BLK: variants seen among roughly 807,000 people sequenced by gnomAD.
BLK encodes tyrosine-protein kinase Blk.
In BLK, 64 loss-of-function variants were observed where a neutral mutation model predicts 61.8. That is an observed-to-expected ratio of 1.03 (90% CI 0.85 to 1.27). The LOEUF (loss-of-function observed/expected upper bound fraction) is 1.27, where lower values mean the gene tolerates loss of function less well. Ranked by LOEUF, BLK falls within the 50% of genes most tolerant of loss-of-function variation. BLK has a pLI of 0.00. For missense variants in BLK, 853 were observed against 660.5 expected (o/e 1.29, Z -3.19); for synonymous variants, 351 against 272.0 (o/e 1.29, Z -2.86).
intron 1 of BLK, among the ~76,000 whole-genome samples, chr8:11,497,420 G>C (rs1199181795): frequency 1.3e-5 from 2 of 152,078 alleles, no homozygotes; most frequent in South Asian, 4.1e-4. Flanking sequence ...CAGGGCAGGT[G>C]CGAATGTCTC....
intron 10 of BLK, among the ~76,000 whole-genome samples, chr8:11,559,350 AACACAT>A (rs1046160567): frequency 1.3e-5 from 2 of 150,986 alleles, no homozygotes; most frequent in African/African-American, 4.9e-5. Flanking sequence ...GACAAACACA[AACACAT>A]ACACAGACTC....
At chr8:11,517,908 T>C (rs1177445637) in intron 1 of BLK, among the ~76,000 whole-genome samples, 2 of 152,088 alleles carry the variant, frequency 1.3e-5, no homozygotes, top group African/African-American at 4.8e-5. Context: ...GAAATGCATT[T>C]TCCCATAGCA....
intron 7 of BLK, 66 bp from the exon 8 acceptor site, chr8:11,555,266 C>T (rs1801143468): frequency 6.2e-7 from 1 of 1,606,742 alleles, no homozygotes; most frequent in Non-Finnish European, 8.5e-7. Context: ...AGGAATGATA[C>T]AGCTCCCAAG....
At chr8:11,519,571 G>T (rs1248928921) in intron 1 of BLK, among the ~76,000 whole-genome samples, 1 of 152,194 alleles carries the variant, frequency 6.6e-6, no homozygotes, top group East Asian at 1.9e-4. Flanking sequence ...AAAAGTTTAT[G>T]TACAGCATCG....
chr8:11,522,841 A>G (rs1799508767), intron 1 of BLK, among the ~76,000 whole-genome samples: 1 of 152,214 alleles, frequency 6.6e-6, no homozygotes, highest in Admixed American at 6.5e-5. Context: ...ATAATTGCTT[A>G]TACATGTCGT....
At chr8:11,495,181 A>T (rs186826192) in intron 1 of BLK, among the ~76,000 whole-genome samples, 1 of 152,352 alleles carries the variant, frequency 6.6e-6, no homozygotes, top group East Asian at 1.9e-4. Flanking sequence ...AGCATAGTTG[A>T]TCACATATTT....
chr8:11,564,345 G>T lies in BLK; in HGVS notation c.*237G>T, dbSNP rs1435187903. The stretch of plus-strand genomic sequence containing the variant: ...TTCATTTGTAGAGGGCTGTAACAGT[G>T]ACCTCGCACGGTCATCCGGAGTACT... On this transcript the variant is annotated 3_prime_UTR_variant, in exon 13 of 13. Transcript: ENST00000259089. The T allele has an allele frequency of 5.7e-6, 4 of 699,222 alleles. No individual in the cohort carries two copies. The highest frequency in any genetic ancestry group is 2.0e-5 in the Admixed American group (1 of 49,798). The allele number at this position is 699,222 out of a possible 1,614,324, so 43.3% of individuals were successfully genotyped here.
chr8:11,551,542 T>G (rs757153577), intron 6 of BLK, among the ~76,000 whole-genome samples: 81 of 152,260 alleles, frequency 5.3e-4, no homozygotes, highest in Non-Finnish European at 3.4e-4. Context: ...AACATATGAA[T>G]TGGGAGCGCA....
At chr8:11,518,087 C>T (rs949797868) in intron 1 of BLK, among the ~76,000 whole-genome samples, 11 of 152,056 alleles carry the variant, frequency 7.2e-5, no homozygotes, top group African/African-American at 1.2e-4. Flanking sequence ...CTGGGAGGGG[C>T]GAGAGAGTGT....
At position 11,541,504 on chromosome 8, in the gene BLK, T is replaced by G. The variant is rs560460710; in HGVS notation, c.-1-1720T>G. ...ACAAACCCATCGTCTCTCTCTCTTTTTTTTTTTTTTCGAGATGGAGTCTCA... is the reference window on the plus strand; with the variant it reads ...ACAAACCCATCGTCTCTCTCTCTTTGTTTTTTTTTTCGAGATGGAGTCTCA... On this transcript the variant is annotated intron_variant, in intron 1 of 12. Transcript: ENST00000259089. 5.4e-3 allele frequency among the ~76,000 whole-genome samples: 816 copies of G among 151,808 alleles called. 9 individuals are homozygous for G. Among genetic ancestry groups the G allele is most frequent in the African/African-American group, 0.017 (686 of 41,438 alleles).
chr8:11,504,969 C>G (rs982614539), intron 1 of BLK, among the ~76,000 whole-genome samples: 1 of 152,134 alleles, frequency 6.6e-6, no homozygotes, highest in Non-Finnish European at 1.5e-5. Flanking sequence ...CGTACAGACA[C>G]ATACATGCAC....
At chr8:11,543,015 T>G (rs1329016837) in intron 1 of BLK, among the ~76,000 whole-genome samples, 1 of 152,152 alleles carries the variant, frequency 6.6e-6, no homozygotes, top group East Asian at 1.9e-4. Flanking sequence ...ATGCAGTGCT[T>G]TCTGCTGTAT....
At position 11,564,279 on chromosome 8, in the gene BLK, G is replaced by A. The variant is rs955087121; in HGVS notation, c.*171G>A. The A allele has an allele frequency of 1.2e-6, 1 of 821,944 alleles. No individual in the cohort carries two copies. Among genetic ancestry groups the A allele is most frequent in the Admixed American group, 2.0e-5 (1 of 49,786 alleles). The allele number at this position is 821,944 out of a possible 1,614,324, so 50.9% of individuals were successfully genotyped here. On this transcript the variant is annotated 3_prime_UTR_variant, in exon 13 of 13. Coordinates refer to ENST00000259089, the MANE Select transcript of BLK (RefSeq NM_001715.3). ...GGGTCCCCGGACGGACTCCTTCACC[G>A]ACTGCACCCCCGGGCGAGTTACGCG...
chr8:11,533,714 T>C (rs1333330610), intron 1 of BLK, among the ~76,000 whole-genome samples: 1 of 151,874 alleles, frequency 6.6e-6, no homozygotes, highest in Non-Finnish European at 1.5e-5. Context: ...AGGGTCCTCA[T>C]GAGGCTCATG....
At chr8:11,514,577 G>A (rs1053357907) in intron 1 of BLK, among the ~76,000 whole-genome samples, 4 of 152,176 alleles carry the variant, frequency 2.6e-5, no homozygotes, top group African/African-American at 4.8e-5. Flanking sequence ...GTGCAGAGAT[G>A]CTGCTCCCAG....
At chr8:11,546,710 G>A (rs1471252326) in intron 3 of BLK, among the ~76,000 whole-genome samples, 1 of 152,142 alleles carries the variant, frequency 6.6e-6, no homozygotes, top group East Asian at 1.9e-4. Context: ...CAAGTAGCTG[G>A]GATTACAGGT....
chr8:11,517,443 C>T (rs1323385684), intron 1 of BLK, among the ~76,000 whole-genome samples: 1 of 152,182 alleles, frequency 6.6e-6, no homozygotes, highest in Non-Finnish European at 1.5e-5. Context: ...GTCAGCTGGT[C>T]CTCTGACTTC....
intron 1 of BLK, 134 bp downstream of exon 1, chr8:11,494,725 G>C (rs999429956): frequency 6.6e-6 from 1 of 152,276 alleles, no homozygotes; most frequent in South Asian, 2.1e-4. Flanking sequence ...GGCATGAATG[G>C]ATCGCTGCCT....
intron 11 of BLK, 51 bp downstream of exon 11, chr8:11,561,503 G>A (rs1240082714): frequency 6.3e-7 from 1 of 1,594,972 alleles, no homozygotes; most frequent in Admixed American, 1.7e-5. Context: ...ATCTTTCCCA[G>A]CTCCTCAAAG....
Sources: allele counts gnomAD v4.1 joint callset (sites outside exome capture counted in the v4.1 genomes callset), GRCh38; gene constraint gnomAD v4.1.1; transcripts MANE v1.5; gene names NCBI Gene and HGNC (gene_info 2026-07-23, HGNC 2026-07-21).